The following SLC15A3 variants were observed in gnomAD, a reference collection of about 807,000 sequenced individuals.
SLC15A3 encodes osteoclast transporter.
A neutral mutation model predicts 49.2 loss-of-function variants in SLC15A3; 39 were observed. The observed-to-expected ratio is 0.79, with a 90% CI of 0.61 to 1.04. The LOEUF is 1.04. SLC15A3 is among the 50% of genes least tolerant of loss of function. The pLI is 0.00. For synonymous variants in SLC15A3, 339 were observed against 367.0 expected (o/e 0.92, Z 0.87); for missense variants, 758 against 794.8 (o/e 0.95, Z 0.56).
Position 60,942,125 on chromosome 11 carries a change from C to T in SLC15A3, c.1017G>A (p.Leu339=), listed in dbSNP as rs192263736. The change falls in exon 4 of 8, where the codon CTG becomes CTA. Residue 339 remains leucine (L), a synonymous_variant. Coordinates refer to ENST00000227880, the MANE Select transcript of SLC15A3 (RefSeq NM_016582.3). Reference sequence around the variant, plus strand: ...TTGGGATGTGGAGGTGAAGACCCTGCAGGACATAGGTGGACTGCATCTGCC... The same window carrying T: ...TTGGGATGTGGAGGTGAAGACCCTGTAGGACATAGGTGGACTGCATCTGCC... ...VYFQMQSTYV[L]QGLHLHIPNI... is the part of the protein sequence containing the mutation. The T allele has an allele frequency of 2.5e-6, 4 of 1,613,936 alleles. No homozygotes were observed. Among genetic ancestry groups the T allele is most frequent in the Non-Finnish European group, 3.4e-6 (4 of 1,179,864 alleles).
rs1210969926 is a variant in SLC15A3 at position 60,951,139 on chromosome 11, G to A, written c.413C>T (p.Pro138Leu). The A allele has an allele frequency of 4.7e-6, 7 of 1,486,692 alleles. No individual in the cohort carries two copies. The highest frequency in any genetic ancestry group is 2.8e-5 in the East Asian group (1 of 36,300). The allele number at this position is 1,486,692 out of a possible 1,614,324, so 92.1% of individuals were successfully genotyped here. A position where few individuals can be genotyped will look rare whatever the true frequency, so the allele number is the denominator to read the frequency against. Residue 138 changes from proline (P) to leucine (L), a missense_variant, in exon 1 of 8, where the codon CCG becomes CTG. Pro to Leu is a moderately conservative substitution (Grantham distance 98). Around this residue, in one of 3 missense-constraint regions of SLC15A3, gnomAD observed 699 missense variants for 706.7 expected, o/e 0.99. Coordinates refer to ENST00000227880, the MANE Select transcript of SLC15A3 (RefSeq NM_016582.3). ...SSFCGEMPAS[P>L]LGPACPSAGC... ...GGCCGAGGGGCAGGCAGGTCCCAGC[G>A]GCGACGCGGGCATCTCTCCGCAGAA...
rs772713829 is a variant in SLC15A3 at position 60,938,059 on chromosome 11, T to G, written c.1436-34A>C. 3 of 1,607,482 alleles carry G rather than the reference T, an allele frequency of 1.9e-6. No individual in the cohort carries two copies. The South Asian group carries it at 3.3e-5, about 18-fold the overall frequency. On this transcript the variant is annotated intron_variant, in intron 6 of 7. Coordinates refer to ENST00000227880, the MANE Select transcript of SLC15A3 (RefSeq NM_016582.3). Reference sequence around the variant, plus strand: ...GGGGAGCAGAGACGATCTCAGGGGCTGGTGCAGGCGCAGAGAACAGGCCCA... The same window carrying G: ...GGGGAGCAGAGACGATCTCAGGGGCGGGTGCAGGCGCAGAGAACAGGCCCA...
At chr11:60,943,895 T>C in intron 2 of SLC15A3, 59 bp from the exon 3 acceptor site, 1 of 1,416,328 alleles carries the variant, frequency 7.1e-7, no homozygotes. Flanking sequence ...TGGTGGCTTA[T>C]GCCTGTAATC....
At chr11:60,946,863 C>T (rs1484379869) in intron 1 of SLC15A3, 42 bp from the exon 2 acceptor site, 2 of 1,574,644 alleles carry the variant, frequency 1.3e-6, no homozygotes, top group Non-Finnish European at 1.7e-6. Context: ...CAAAGGGGTC[C>T]GGGGCACTCT....
At chr11:60,946,940 C>A (rs1010967525) in intron 1 of SLC15A3, 119 bp from the exon 2 acceptor site, 2 of 1,062,544 alleles carry the variant, frequency 1.9e-6, no homozygotes, top group Non-Finnish European at 2.7e-6. Flanking sequence ...CGTTCCGACA[C>A]TTTCCCAGTC....
chr11:60,949,500 GAAGGAAA>G (rs1565129838), intron 1 of SLC15A3, among the ~76,000 whole-genome samples: 7 of 137,722 alleles, frequency 5.1e-5, no homozygotes, highest in Middle Eastern at 6.5e-3. Flanking sequence ...AAGAAAGAAA[GAAGGAAA>G]GAAAGAAAGA....
At chr11:60,942,763 G>A (rs1212213950) in intron 3 of SLC15A3, 1 of 152,396 alleles carries the variant, frequency 6.6e-6, no homozygotes, top group African/African-American at 2.4e-5. Flanking sequence ...TGATTGGTAT[G>A]ACTGAGAATC....
Position 60,937,212 on chromosome 11 carries a change from G to GGCC in SLC15A3, c.*4_*6dup. ...GAGTGAAGCAAGGGGGCTGGAATAG[G>GGCC]GCCTGTTCAGCCCCTGTCCCTGCTG... On this transcript the variant is annotated 3_prime_UTR_variant, in exon 8 of 8. Transcript: ENST00000227880. 1 of 1,612,736 alleles carries GGCC rather than the reference G, an allele frequency of 6.2e-7. No homozygotes were observed. The highest frequency in any genetic ancestry group is 8.5e-7 in the Non-Finnish European group (1 of 1,179,072).
intron 3 of SLC15A3, 193 bp from the exon 4 acceptor site, chr11:60,942,338 T>C: frequency 1.8e-6 from 1 of 559,154 alleles, no homozygotes; most frequent in Non-Finnish European, 3.2e-6. Context: ...TCCTGTGCTC[T>C]GCTCTCAGGC....
intron 6 of SLC15A3, among the ~76,000 whole-genome samples, chr11:60,938,871 T>A (rs1352798367): frequency 6.6e-6 from 1 of 152,140 alleles, no homozygotes; most frequent in Non-Finnish European, 1.5e-5. Flanking sequence ...CTGAGTGAGC[T>A]CCCAGGGTCA....
At position 60,937,877 on chromosome 11, in the gene SLC15A3, CT is replaced by C; in HGVS notation, c.1583del (p.Lys528ArgfsTer86). 1 of 1,614,058 alleles carries C rather than the reference CT, an allele frequency of 6.2e-7. No individual in the cohort carries two copies. On this transcript the variant is annotated frameshift_variant, in exon 7 of 8. Coordinates refer to ENST00000227880, the MANE Select transcript of SLC15A3 (RefSeq NM_016582.3). LOFTEE classifies it low-confidence loss of function (END_TRUNC). Reference sequence around the variant, plus strand: ...GGGAGGCCCCATACTCACCAAAGTCCTTGGGGCAGTGCAGCCAGCCCCCGGG... The same window carrying C: ...GGGAGGCCCCATACTCACCAAAGTCCTGGGGCAGTGCAGCCAGCCCCCGGG... ...SLPGGWLHCP[K>X]DFGNINNCRM...
chr11:60,949,284 C>G (rs1425865234), intron 1 of SLC15A3, among the ~76,000 whole-genome samples: 1 of 151,650 alleles, frequency 6.6e-6, no homozygotes, highest in Non-Finnish European at 1.5e-5. Context: ...TTGCAGTGAT[C>G]TGAGATCGCA....
intron 1 of SLC15A3, among the ~76,000 whole-genome samples, chr11:60,947,063 C>G (rs570777822): frequency 2.0e-5 from 3 of 152,232 alleles, no homozygotes; most frequent in African/African-American, 7.2e-5. Flanking sequence ...TTTGCATACC[C>G]ATGACACACA....
intron 1 of SLC15A3, among the ~76,000 whole-genome samples, chr11:60,949,406 G>GA (rs1856855005): frequency 2.0e-5 from 2 of 102,062 alleles, no homozygotes; most frequent in African/African-American, 5.7e-5. Context: ...GAGAAAGAAA[G>GA]GAAGAAAGAA....
chr11:60,938,354 C>T (rs1856656874), intron 6 of SLC15A3, among the ~76,000 whole-genome samples: 1 of 152,168 alleles, frequency 6.6e-6, no homozygotes, highest in Admixed American at 6.5e-5. Flanking sequence ...ACCCTCTCTG[C>T]CCACCTTCAA....
intron 1 of SLC15A3, 51 bp from the exon 2 acceptor site, chr11:60,946,872 C>T (rs1856813569): frequency 6.4e-7 from 1 of 1,551,204 alleles, no homozygotes; most frequent in African/African-American, 1.4e-5. Context: ...CCGGGGCACT[C>T]TCTGTACCCA....
intron 5 of SLC15A3, 163 bp downstream of exon 5, chr11:60,940,959 G>A: frequency 1.5e-6 from 1 of 650,268 alleles, no homozygotes. Context: ...AGCTGGATTA[G>A]ATAGGAGGGT....
intron 1 of SLC15A3, among the ~76,000 whole-genome samples, chr11:60,949,541 AAAG>A (rs1565129935): frequency 1.8e-4 from 14 of 78,764 alleles, no homozygotes; most frequent in East Asian, 1.3e-3. Context: ...AGAAAGAAAG[AAAG>A]AAAGAAAGAA....
In SLC15A3 at chr11:60,951,284, C is replaced by G. The variant is rs1856916208; in HGVS notation, c.268G>C (p.Gly90Arg). 4 of 1,518,312 alleles carry G rather than the reference C, an allele frequency of 2.6e-6. No homozygotes were observed. The highest frequency in any genetic ancestry group is 2.6e-6 in the Non-Finnish European group (3 of 1,135,398). The allele number at this position is 1,518,312 out of a possible 1,614,324, so 94.1% of individuals were successfully genotyped here. ...LGASYLLAPV[G>R]GWLADVYLGR... ...AGGTACACGTCGGCCAGCCAGCCGC[C>G]CACGGGCGCCAGCAGGTAGGAGGCG... Residue 90 changes from glycine (G) to arginine (R), a missense_variant, in exon 1 of 8, where the codon GGC (glycine) becomes CGC (arginine). Around this residue, in one of 3 missense-constraint regions of SLC15A3, gnomAD observed 699 missense variants for 706.7 expected, o/e 0.99. Coordinates refer to ENST00000227880, the MANE Select transcript of SLC15A3 (RefSeq NM_016582.3).
Sources: allele counts gnomAD v4.1 joint callset (sites outside exome capture counted in the v4.1 genomes callset), GRCh38; gene constraint gnomAD v4.1.1; regional missense constraint gnomAD v4.1.1; transcripts MANE v1.5; gene names NCBI Gene and HGNC (gene_info 2026-07-23, HGNC 2026-07-21).